EXD1: variants seen among roughly 807,000 people sequenced by gnomAD.
EXD1 encodes the protein piRNA biogenesis protein EXD1.
Under a neutral mutation model 49.1 loss-of-function variants are expected in EXD1, and 63 were observed. That is an observed-to-expected ratio of 1.28 (90% CI 1.05 to 1.58). EXD1 has a LOEUF of 1.58. Ranked by LOEUF, EXD1 falls within the 40% of genes most tolerant of loss-of-function variation. The probability of loss-of-function intolerance (pLI) is 0.00; values close to 1 mark genes in which losing one functional copy is unlikely to be tolerated. For missense variants in EXD1, 748 were observed against 666.0 expected, an observed-to-expected ratio of 1.12 and a Z score of -1.36; for synonymous variants, 234 against 239.2, an observed-to-expected ratio of 0.98 and a Z score of 0.20.
intron 9 of EXD1, 107 bp downstream of exon 9, chr15:41,195,668 A>AG: frequency 1.3e-6 from 1 of 794,920 alleles, no homozygotes; most frequent in African/African-American, 1.8e-5. Context: ...AGCACCAAAA[A>AG]AAAAAAAAAA....
chr15:41,189,625 T>C (rs1270190999), intron 11 of EXD1, among the ~76,000 whole-genome samples: 1 of 151,790 alleles, frequency 6.6e-6, no homozygotes, highest in Non-Finnish European at 1.5e-5. Context: ...ATCATGTCAT[T>C]GCACTCCAGC....
At chr15:41,199,511 C>G (rs941149807) in intron 7 of EXD1, among the ~76,000 whole-genome samples, 1 of 149,090 alleles carries the variant, frequency 6.7e-6, no homozygotes, top group Non-Finnish European at 1.5e-5. Flanking sequence ...CACCCCTTCC[C>G]CCATACCTTG....
At chr15:41,222,934 CAA>C (rs562493256) in intron 2 of EXD1, among the ~76,000 whole-genome samples, 1,544 of 100,050 alleles carry the variant, frequency 0.015, 9 homozygotes, top group African/African-American at 0.026. Context: ...GACTCTGTCT[CAA>C]AAAAAAAAAA....
intron 2 of EXD1, among the ~76,000 whole-genome samples, chr15:41,222,184 G>T (rs535985481): frequency 1.3e-5 from 2 of 152,068 alleles, no homozygotes; most frequent in Admixed American, 1.3e-4. Context: ...GGAGGCCGAG[G>T]CAGGCAGATC....
In EXD1 at chr15:41,190,029, G is replaced by A; in HGVS notation, c.964C>T (p.Leu322=). Residue 322 remains leucine (L), a synonymous_variant, in exon 11 of 12, where the codon CTA becomes TTA. Transcript: ENST00000458580. The part of the protein sequence containing the change: ...TYLLPLRLAL[L]DEMMSDLTTL... ...GTTAGGTCAGACATCATCTCATCTA[G>A]GAGTGCCAAGCGAAGGGGTAACAGG... 2 of 1,614,108 alleles carry A rather than the reference G, an allele frequency of 1.2e-6. No individual in the cohort carries two copies. The highest frequency in any genetic ancestry group is 8.5e-7 in the Non-Finnish European group (1 of 1,180,032).
At chr15:41,213,203 T>G (rs1288242971) in intron 6 of EXD1, among the ~76,000 whole-genome samples, 3 of 143,454 alleles carry the variant, frequency 2.1e-5, no homozygotes, top group African/African-American at 8.8e-5. Flanking sequence ...TTACTTGTTT[T>G]TATTTTTATT....
At chr15:41,226,948 A>T (rs2047172266) in intron 1 of EXD1, among the ~76,000 whole-genome samples, 1 of 152,244 alleles carries the variant, frequency 6.6e-6, no homozygotes, top group Non-Finnish European at 1.5e-5. Context: ...CATCATTATA[A>T]CAAAAAAATG....
intron 2 of EXD1, among the ~76,000 whole-genome samples, chr15:41,220,597 T>C (rs2047073332): frequency 6.6e-6 from 1 of 152,046 alleles, no homozygotes; most frequent in Non-Finnish European, 1.5e-5. Flanking sequence ...CCCTGCTTCA[T>C]GTTATGCTAC....
chr15:41,199,722 T>TTA (rs1391239565), intron 7 of EXD1, among the ~76,000 whole-genome samples: 1 of 94,634 alleles, frequency 1.1e-5, no homozygotes, highest in Non-Finnish European at 1.9e-5. Flanking sequence ...ATATGATATA[T>TTA]TATATATGAT....
intron 7 of EXD1, among the ~76,000 whole-genome samples, chr15:41,203,399 T>C (rs1304884839): frequency 6.6e-6 from 1 of 152,154 alleles, no homozygotes; most frequent in Non-Finnish European, 1.5e-5. Context: ...GCACACTGAA[T>C]TGTGGGCTTC....
chr15:41,214,360 A>C (rs999743017), intron 6 of EXD1, among the ~76,000 whole-genome samples: 1 of 151,618 alleles, frequency 6.6e-6, no homozygotes, highest in Non-Finnish European at 1.5e-5. Context: ...CTAAAAATAC[A>C]AAAATTAGCT....
At position 41,184,525 on chromosome 15, in the gene EXD1, T is replaced by C. The variant is rs2046375065; in HGVS notation, c.1125A>G (p.Lys375=). 1 of 1,613,340 alleles carries C rather than the reference T, an allele frequency of 6.2e-7. No homozygotes were observed. The highest frequency in any genetic ancestry group is 1.7e-5 in the Admixed American group (1 of 59,774). Residue 375 remains lysine, a synonymous_variant, in exon 12 of 12, where the codon AAA becomes AAG. Transcript: ENST00000458580. ...LKDFQKQRRE[K]AAREYRVNAQ... is the part of the protein sequence containing the mutation. ...CATTCACCCTATATTCTCTTGCAGC[T>C]TTCTCCCTGCGCTGCTTCTGGAAGT...
At chr15:41,215,124 T>C (rs1044937407) in intron 6 of EXD1, among the ~76,000 whole-genome samples, 1 of 152,180 alleles carries the variant, frequency 6.6e-6, no homozygotes, top group African/African-American at 2.4e-5. Flanking sequence ...CCTAGAGATG[T>C]TTTCTCTGTC....
chr15:41,192,594 ATTTTTTTTTTTTTTTTTTTTTT>A (rs59054803), intron 9 of EXD1, among the ~76,000 whole-genome samples: 15,489 of 40,930 alleles, frequency 0.38, 1,332 homozygotes, highest in South Asian at 0.5. Context: ...TGCGCCAGGC[ATTTTTTTTTTTTTTTTTTTTTT>A]TTTTTTTTTT....
Position 41,195,769 on chromosome 15 carries a change from A to G in EXD1, c.720+6T>C, listed in dbSNP as rs2046599978. 2.5e-6 allele frequency: 4 copies of G among 1,610,384 alleles called. No individual in the cohort carries two copies. Among genetic ancestry groups the G allele is most frequent in the Non-Finnish European group, 3.4e-6 (4 of 1,178,622 alleles). ...TGGTTTGAATCCAGTGCTTCCCTTCATGTACCTGTGTGTCAAAGACATTAT... is the reference window on the plus strand; with the variant it reads ...TGGTTTGAATCCAGTGCTTCCCTTCGTGTACCTGTGTGTCAAAGACATTAT... On this transcript the variant is annotated splice_donor_region_variant and intron_variant, in intron 9 of 11. Coordinates refer to ENST00000458580, the MANE Select transcript of EXD1 (RefSeq NM_001286441.2).
At chr15:41,223,315 G>C (rs2047117101) in intron 2 of EXD1, among the ~76,000 whole-genome samples, 1 of 152,090 alleles carries the variant, frequency 6.6e-6, no homozygotes, top group South Asian at 2.1e-4. Context: ...AGCTATTTGG[G>C]AGGCTGAAGC....
chr15:41,227,690 AAAG>A (rs1419300776), intron 1 of EXD1, among the ~76,000 whole-genome samples: 13 of 151,802 alleles, frequency 8.6e-5, no homozygotes, highest in Non-Finnish European at 1.6e-4. Flanking sequence ...AAAAAAAAAA[AAAG>A]AATTACAACC....
At position 41,215,887 on chromosome 15, in the gene EXD1, C is replaced by A. The variant is rs376298586; in HGVS notation, c.389-54G>T. The A allele has an allele frequency of 1.2e-5, 19 of 1,585,352 alleles. No individual in the cohort carries two copies. The African/African-American group carries it at 2.6e-4, about 21-fold the overall frequency. On this transcript the variant is annotated intron_variant, in intron 5 of 11. Transcript: ENST00000458580. ...TTTCTCTTCCTCAGCAACAGAATAG[C>A]TTTCTCAATAATTTTGGCCACACTC... is the stretch of plus-strand genomic sequence containing the variant.
chr15:41,202,161 TA>T (rs1484088898), intron 7 of EXD1, among the ~76,000 whole-genome samples: 61 of 147,898 alleles, frequency 4.1e-4, no homozygotes, highest in African/African-American at 1.1e-3. Flanking sequence ...TATATATATA[TA>T]TATATTTTTT....
Sources: gnomAD v4.1 joint callset for allele counts (sites outside exome capture counted in the v4.1 genomes callset) on GRCh38, gnomAD v4.1.1 for gene constraint, MANE v1.5 for transcripts, NCBI Gene and HGNC (gene_info 2026-07-23, HGNC 2026-07-21) for gene names.